The following IL5RA variants were observed in gnomAD, a reference collection of about 807,000 sequenced individuals.
The protein encoded by IL5RA is interleukin-5 receptor subunit alpha.
IL5RA carries 49 observed loss-of-function variants against 50.0 expected under a neutral mutation model. The observed-to-expected ratio is 0.98, with a 90% confidence interval of 0.78 to 1.24. The LOEUF (loss-of-function observed/expected upper bound fraction) is 1.24, where lower values mean the gene tolerates loss of function less well. IL5RA is among the 50% of genes most tolerant of loss of function. IL5RA has a pLI of 0.00. For missense variants in IL5RA, 600 were observed against 500.4 expected (o/e 1.20, Z -1.90); for synonymous variants, 202 against 174.0 (o/e 1.16, Z -1.26).
chr3:3,105,008 A>G lies in IL5RA; in HGVS notation c.-3-21T>C, dbSNP rs377463484. The G allele has an allele frequency of 2.0e-6, 3 of 1,484,504 alleles. No homozygotes were observed. In the African/African-American group the frequency reaches 4.2e-5, roughly 21 times the overall value. 92.0% of individuals were successfully genotyped at this position (1,484,504 alleles called of 1,614,324 possible). On this transcript the variant is annotated intron_variant, in intron 2 of 11. Coordinates refer to ENST00000446632, the MANE Select transcript of IL5RA (RefSeq NM_175726.4). Reference sequence around the variant, plus strand: ...ATATCCTACAGAAAACAAGGGAGATACCAAAATCATCTTGTTGCTATTTTT... The same window carrying G: ...ATATCCTACAGAAAACAAGGGAGATGCCAAAATCATCTTGTTGCTATTTTT...
intron 7 of IL5RA, among the ~76,000 whole-genome samples, chr3:3,096,508 A>C (rs1703375277): frequency 6.6e-6 from 1 of 152,164 alleles, no homozygotes; most frequent in African/African-American, 2.4e-5. Flanking sequence ...AGAGCCTCCT[A>C]TACCCTATGA....
chr3:3,098,583 T>C (rs1019375762), intron 5 of IL5RA, among the ~76,000 whole-genome samples: 2 of 152,032 alleles, frequency 1.3e-5, no homozygotes, highest in Admixed American at 6.6e-5. Flanking sequence ...AATTTTTGTA[T>C]TTTCAGTAGA....
chr3:3,077,376 C>T (rs1401884904), intron 9 of IL5RA, among the ~76,000 whole-genome samples: 1 of 152,082 alleles, frequency 6.6e-6, no homozygotes, highest in Non-Finnish European at 1.5e-5. Context: ...TATGTATAAA[C>T]GTGCCGTGTT....
intron 5 of IL5RA, among the ~76,000 whole-genome samples, chr3:3,099,449 C>G (rs1254211392): frequency 6.6e-6 from 1 of 151,932 alleles, no homozygotes; most frequent in Non-Finnish European, 1.5e-5. Flanking sequence ...GGCAACATGG[C>G]AAAACCCCAA....
chr3:3,094,763 C>G (rs1703275782), intron 8 of IL5RA, among the ~76,000 whole-genome samples: 2 of 152,084 alleles, frequency 1.3e-5, no homozygotes, highest in South Asian at 4.1e-4. Context: ...TGCTCTGTCA[C>G]CCAGGCTGGA....
At chr3:3,079,262 C>T (rs552497820) in intron 9 of IL5RA, among the ~76,000 whole-genome samples, 3 of 152,294 alleles carry the variant, frequency 2.0e-5, no homozygotes, top group Non-Finnish European at 4.4e-5. Flanking sequence ...CTTAAACTGT[C>T]CGTAGGTAAA....
chr3:3,087,687 G>C (rs967993602), intron 9 of IL5RA, among the ~76,000 whole-genome samples: 1 of 151,950 alleles, frequency 6.6e-6, no homozygotes, highest in Non-Finnish European at 1.5e-5. Context: ...TTGAGTCTTG[G>C]AGTAAAATGG....
chr3:3,107,365 T>C (rs1215925460), intron 2 of IL5RA, among the ~76,000 whole-genome samples: 1 of 119,300 alleles, frequency 8.4e-6, no homozygotes, highest in Admixed American at 1.0e-4. Context: ...CCCTTAATAC[T>C]TCTTGTCCCT....
In IL5RA at chr3:3,067,007, CAAGAGATGGG is replaced by C. The variant is rs1702153313; in HGVS notation, c.*3208_*3217del. 6.6e-6 allele frequency: 1 copy of C among 152,220 alleles called. No homozygotes were observed. Among genetic ancestry groups the C allele is most frequent in the Non-Finnish European group, 1.5e-5 (1 of 68,044 alleles). 9.4% of individuals were successfully genotyped at this position (152,220 alleles called of 1,614,324 possible). Reference sequence around the variant, plus strand: ...CTACACTCGTCCTAGTGAGAGATGGCAAGAGATGGGAGCCAATATCATGACTTTACCTTAC... The same window carrying C: ...CTACACTCGTCCTAGTGAGAGATGGCAGCCAATATCATGACTTTACCTTAC... On this transcript the variant is annotated 3_prime_UTR_variant, in exon 12 of 12. Transcript: ENST00000446632.
intron 9 of IL5RA, among the ~76,000 whole-genome samples, chr3:3,080,032 GA>G (rs1297873410): frequency 6.6e-6 from 1 of 150,776 alleles, no homozygotes; most frequent in East Asian, 1.9e-4. Context: ...ACACTGTCTC[GA>G]AAAAAAAGAA....
At chr3:3,093,452 A>G (rs945320491) in intron 8 of IL5RA, among the ~76,000 whole-genome samples, 3 of 152,176 alleles carry the variant, frequency 2.0e-5, no homozygotes, top group Non-Finnish European at 4.4e-5. Context: ...GACACTTTAC[A>G]TGTCTTTGGC....
intron 9 of IL5RA, among the ~76,000 whole-genome samples, chr3:3,082,809 T>G (rs1399875802): frequency 6.6e-6 from 1 of 152,206 alleles, no homozygotes; most frequent in Non-Finnish European, 1.5e-5. Flanking sequence ...GTATGAAGTT[T>G]AGACTACTAG....
intron 3 of IL5RA, 70 bp from the exon 4 acceptor site, chr3:3,102,890 C>T (rs1248247358): frequency 1.2e-5 from 16 of 1,350,428 alleles, no homozygotes; most frequent in Middle Eastern, 3.9e-4. Flanking sequence ...TAAAACTTTT[C>T]GAATATTTAT....
intron 4 of IL5RA, among the ~76,000 whole-genome samples, chr3:3,102,245 C>G (rs1336853992): frequency 6.6e-6 from 1 of 152,170 alleles, no homozygotes; most frequent in Admixed American, 6.5e-5. Context: ...CTCTGAGAAG[C>G]TAAATGACTT....
At chr3:3,091,051 C>A (rs1042753293) in intron 9 of IL5RA, among the ~76,000 whole-genome samples, 5 of 152,222 alleles carry the variant, frequency 3.3e-5, no homozygotes, top group African/African-American at 9.6e-5. Flanking sequence ...ACTTGCCAAG[C>A]AAACTAGTCC....
intron 9 of IL5RA, among the ~76,000 whole-genome samples, chr3:3,090,948 G>A (rs1703071796): frequency 6.6e-6 from 1 of 152,108 alleles, no homozygotes; most frequent in Non-Finnish European, 1.5e-5. Context: ...TCTGTGTCAG[G>A]GTAAGACTGG....
intron 9 of IL5RA, among the ~76,000 whole-genome samples, chr3:3,089,489 C>T (rs577168583): frequency 3.3e-5 from 5 of 152,150 alleles, no homozygotes; most frequent in South Asian, 2.1e-4. Context: ...ATAGCTTAAG[C>T]GAATGAATTA....
At position 3,098,278 on chromosome 3, in the gene IL5RA, G is replaced by T; in HGVS notation, c.380C>A (p.Thr127Asn). The change falls in exon 6 of 12, where the codon ACC becomes AAC. Residue 127 changes from threonine to asparagine, a missense_variant. By Grantham distance (65) the Thr-to-Asn change is moderately conservative. Coordinates refer to ENST00000446632, the MANE Select transcript of IL5RA (RefSeq NM_175726.4). Reference sequence around the variant, plus strand: ...GGTGCAAGTTAAATTCACAATTGAGGTTCCAGGAGACCCTAGGTAGTCAAA... The same window carrying T: ...GGTGCAAGTTAAATTCACAATTGAGTTTCCAGGAGACCCTAGGTAGTCAAA... Reference protein sequence around the residue: ...ELHAPPGSPGTSIVNLTCTTN... With the variant: ...ELHAPPGSPGNSIVNLTCTTN... The T allele has an allele frequency of 2.5e-6, 4 of 1,613,874 alleles. No homozygotes were observed. The highest frequency in any genetic ancestry group is 3.4e-6 in the Non-Finnish European group (4 of 1,179,790).
intron 9 of IL5RA, chr3:3,090,172 T>C: frequency 6.3e-7 from 1 of 1,596,560 alleles, no homozygotes; most frequent in Non-Finnish European, 8.6e-7. Context: ...AAAACACATG[T>C]AATCTGCTAT....
Sources: allele counts gnomAD v4.1 joint callset (sites outside exome capture counted in the v4.1 genomes callset), GRCh38; gene constraint gnomAD v4.1.1; transcripts MANE v1.5; gene names NCBI Gene and HGNC (gene_info 2026-07-23, HGNC 2026-07-21).